The following SBK1 variants were observed in gnomAD, a reference collection of about 807,000 sequenced individuals.
SBK1 encodes SH3 domain binding kinase 1.
SBK1 carries 11 observed loss-of-function variants against 24.4 expected under a neutral mutation model. The ratio of observed to expected loss-of-function variants is 0.45; its 90% CI spans 0.28 to 0.75. The LOEUF (loss-of-function observed/expected upper bound fraction) is 0.75, where lower values mean the gene tolerates loss of function less well. Ranked by LOEUF, SBK1 falls within the 30% of genes least tolerant of loss-of-function variation. The pLI is 0.12. For synonymous variants in SBK1, 308 were observed against 284.4 expected (o/e 1.08, Z -0.83); for missense variants, 467 against 620.5 (o/e 0.75, Z 2.63).
At chr16:28,270,780 A>T (rs1482934271) in intron 1 of SBK1, among the ~76,000 whole-genome samples, 1 of 152,046 alleles carries the variant, frequency 6.6e-6, no homozygotes, top group Non-Finnish European at 1.5e-5. Flanking sequence ...TAGAAAAAAC[A>T]ATATTTTCAG....
chr16:28,307,739 CAA>C (rs34787009), intron 1 of SBK1, among the ~76,000 whole-genome samples: 31 of 64,188 alleles, frequency 4.8e-4, no homozygotes, highest in African/African-American at 7.6e-4. Flanking sequence ...GACTCAGTCT[CAA>C]AAAAAAAAAA....
chr16:28,289,260 C>T (rs2044584451), upstream of SBK1, among the ~76,000 whole-genome samples: 1 of 152,232 alleles, frequency 6.6e-6, no homozygotes, highest in Non-Finnish European at 1.5e-5. Context: ...TCAAATCCCT[C>T]TATTAGTTTA....
Position 28,277,598 on chromosome 16 carries a change from G to A in SBK1, c.257+18096G>A, listed in dbSNP as rs565176834. Among the ~76,000 whole-genome samples, 7 of 152,324 alleles carry A rather than the reference G, an allele frequency of 4.6e-5. No homozygotes were observed. In the South Asian group the frequency reaches 1.2e-3, roughly 27 times the overall value. On this transcript the variant is annotated intron_variant, in intron 1 of 3. Transcript: ENST00000671413. ...CGCATGAGCCCAGGAGGTGGAAGCT[G>A]CAGTGAGCCATGATCACACCTCTGC...
chr16:28,319,794 G>T lies in SBK1; in HGVS notation c.430-282G>T, dbSNP rs575117298. Among the ~76,000 whole-genome samples the T allele has an allele frequency of 3.3e-5, 5 of 152,210 alleles. No individual in the cohort carries two copies. The highest frequency in any genetic ancestry group is 1.2e-4 in the African/African-American group (5 of 41,538). ...GGCAAAATGACAGCAGGTGGAGGGC[G>T]CCGCGGACCCCCTCATCAACCTCCT... On this transcript the variant is annotated intron_variant, in intron 3 of 3. Transcript: ENST00000341901. This position sits in a 1 kb window ranked among gnomAD's most constrained non-coding sequence, Gnocchi z 4.0.
intron 1 of SBK1, among the ~76,000 whole-genome samples, chr16:28,313,935 C>T (rs1487828090): frequency 7.2e-5 from 11 of 152,018 alleles, no homozygotes; most frequent in Admixed American, 2.0e-4. Context: ...TGCTCACCCC[C>T]TCCCAGCCTC....
At chr16:28,281,657 T>C (rs543873593) in intron 1 of SBK1, among the ~76,000 whole-genome samples, 1 of 152,340 alleles carries the variant, frequency 6.6e-6, no homozygotes, top group South Asian at 2.1e-4. Flanking sequence ...AGCCTCAGCC[T>C]GTCTGTGTCC....
Position 28,320,875 on chromosome 16 carries a change from G to A in SBK1, c.1229G>A (p.Ser410Asn). The change falls in exon 4 of 4, where the codon AGC becomes AAC. Residue 410 changes from serine (S) to asparagine (N), a missense_variant. Ser to Asn is a conservative substitution (Grantham distance 46). Coordinates refer to ENST00000341901, the MANE Select transcript of SBK1 (RefSeq NM_001024401.3). This position sits in a 1 kb window ranked among gnomAD's most constrained non-coding sequence, Gnocchi z 8.5. The part of the protein sequence containing the change: ...PGRTDGRADK[S>N]KGQVVLATAI... Reference sequence around the variant, plus strand: ...CGGACCGACGGCCGCGCGGACAAGAGCAAAGGGCAGGTGGTGCTGGCCACG... The same window carrying A: ...CGGACCGACGGCCGCGCGGACAAGAACAAAGGGCAGGTGGTGCTGGCCACG... The A allele has an allele frequency of 1.8e-5, 27 of 1,504,456 alleles. No individual in the cohort carries two copies. Among genetic ancestry groups the A allele is most frequent in the Non-Finnish European group, 2.3e-5 (26 of 1,131,528 alleles). 93.2% of individuals were successfully genotyped at this position (1,504,456 alleles called of 1,614,324 possible).
rs566370562 is a variant in SBK1 at position 28,320,645 on chromosome 16, C to G, written c.999C>G (p.Pro333=). 6 of 1,160,362 alleles carry G rather than the reference C, an allele frequency of 5.2e-6. No individual in the cohort carries two copies. The East Asian group carries it at 2.5e-4, about 49-fold the overall frequency. 71.9% of individuals were successfully genotyped at this position (1,160,362 alleles called of 1,614,324 possible). The change falls in exon 4 of 4, where the codon CCC becomes CCG. Residue 333 remains proline (P), a synonymous_variant. Transcript: ENST00000341901. This position sits in a 1 kb window ranked among gnomAD's most constrained non-coding sequence, Gnocchi z 8.5. ...CCTCGCACCGCGCGCGCAAGCCCCC[C>G]GGGGACCGCCCGCCCGCCGCCGGGC... The part of the protein sequence containing the change: ...RRPSHRARKP[P]GDRPPAAGPL...
Position 28,293,307 on chromosome 16 carries a change from C to T in SBK1, c.-8+7C>T, listed in dbSNP as rs893510753. Reference sequence around the variant, plus strand: ...CCCCGCGGCCCCAGCCCAGGTAAGCCGGGCCCAGGTGAGGGGCGGCAGGTG... The same window carrying T: ...CCCCGCGGCCCCAGCCCAGGTAAGCTGGGCCCAGGTGAGGGGCGGCAGGTG... On this transcript the variant is annotated splice_region_variant and intron_variant, in intron 1 of 3. Coordinates refer to ENST00000341901, the MANE Select transcript of SBK1 (RefSeq NM_001024401.3). 9 of 984,670 alleles carry T rather than the reference C, an allele frequency of 9.1e-6. No individual in the cohort carries two copies. The African/African-American group carries it at 1.4e-4, about 15-fold the overall frequency. The allele number at this position is 984,670 out of a possible 1,614,324, so 61.0% of individuals were successfully genotyped here.
rs2044801853 is a variant in SBK1 at position 28,317,083 on chromosome 16, G to A, written c.-7-302G>A. 6.6e-6 allele frequency among the ~76,000 whole-genome samples: 1 copy of A among 152,206 alleles called. No individual in the cohort carries two copies. Among genetic ancestry groups the A allele is most frequent in the Admixed American group, 6.5e-5 (1 of 15,272 alleles). On this transcript the variant is annotated intron_variant, in intron 1 of 3. Transcript: ENST00000341901. This position sits in a 1 kb window ranked among gnomAD's most constrained non-coding sequence, Gnocchi z 4.2. The stretch of plus-strand genomic sequence containing the variant: ...GTGAACTCGGTATCTGGCTGTGTCT[G>A]TGTGACATAAACAGGGGCCTTGCCT...
intron 1 of SBK1, among the ~76,000 whole-genome samples, chr16:28,294,546 T>C (rs1187755976): frequency 6.6e-6 from 1 of 152,238 alleles, no homozygotes; most frequent in Admixed American, 6.5e-5. Flanking sequence ...ATCTCCTTTC[T>C]TGATGTCTCC....
intron 2 of SBK1, 91 bp from the exon 3 acceptor site, chr16:28,318,904 T>G: frequency 1.1e-6 from 1 of 917,042 alleles, no homozygotes; most frequent in Non-Finnish European, 1.8e-6. Flanking sequence ...GGGGACCCTG[T>G]TGCACCAGGG....
At chr16:28,295,436 G>GCTCA (rs2044631755) in intron 1 of SBK1, among the ~76,000 whole-genome samples, 1 of 152,128 alleles carries the variant, frequency 6.6e-6, no homozygotes, top group Admixed American at 6.5e-5. Context: ...GACCTGAGCT[G>GCTCA]GCACGTAGTA....
At chr16:28,280,147 A>ATGTGTGTGTGTGTGTGTGTGTGTGTG (rs1258164420) in intron 1 of SBK1, among the ~76,000 whole-genome samples, 8 of 48,364 alleles carry the variant, frequency 1.7e-4, no homozygotes, top group Non-Finnish European at 3.6e-4. Flanking sequence ...ATATATATAT[A>ATGTGTGTGTGTGTGTGTGTGTGTGTG]TATGTGTGTG....
In SBK1 at chr16:28,320,650, A is replaced by ACCGC; in HGVS notation, c.1014_1017dup (p.Ala340ArgfsTer111). ...CACCGCGCGCGCAAGCCCCCCGGGG[A>ACCGC]CCGCCCGCCCGCCGCCGGGCCACTG... On this transcript the variant is annotated frameshift_variant, in exon 4 of 4. Coordinates refer to ENST00000341901, the MANE Select transcript of SBK1 (RefSeq NM_001024401.3). LOFTEE classifies it high-confidence loss of function. The surrounding 1 kb of genome is among the most constrained non-coding windows in gnomAD (Gnocchi z 8.5). 8.8e-7 allele frequency: 1 copy of ACCGC among 1,141,656 alleles called. No individual in the cohort carries two copies. The highest frequency in any genetic ancestry group is 1.1e-6 in the Non-Finnish European group (1 of 930,774). 70.7% of individuals were successfully genotyped at this position (1,141,656 alleles called of 1,614,324 possible).
At chr16:28,267,865 C>T (rs143281104) in intron 1 of SBK1, among the ~76,000 whole-genome samples, 5 of 152,264 alleles carry the variant, frequency 3.3e-5, no homozygotes, top group Admixed American at 6.5e-5. Flanking sequence ...AATGTCCTTG[C>T]GGCCAGGCGC....
In SBK1 at chr16:28,293,089, A is replaced by AG. The variant is rs1361306000; in HGVS notation, c.-217dup. 1.0e-6 allele frequency: 1 copy of AG among 985,628 alleles called. No individual in the cohort carries two copies. The highest frequency in any genetic ancestry group is 1.2e-6 in the Non-Finnish European group (1 of 830,142). 61.1% of individuals were successfully genotyped at this position (985,628 alleles called of 1,614,324 possible). On this transcript the variant is annotated 5_prime_UTR_variant, in exon 1 of 4. Coordinates refer to ENST00000341901, the MANE Select transcript of SBK1 (RefSeq NM_001024401.3). Reference sequence around the variant, plus strand: ...TCCGGTACATAGAAATCCCAAATCTAGGCAGCCGGGGACAGCAAGAGACAC... The same window carrying AG: ...TCCGGTACATAGAAATCCCAAATCTAGGGCAGCCGGGGACAGCAAGAGACAC...
chr16:28,312,591 C>A (rs77793058), intron 1 of SBK1, among the ~76,000 whole-genome samples: 7,062 of 152,268 alleles, frequency 0.046, 572 homozygotes, highest in African/African-American at 0.16. Flanking sequence ...GGGCCTGGCA[C>A]TGTTCCTACC....
chr16:28,292,565 G>A lies in SBK1; in HGVS notation c.-743G>A, dbSNP rs990367753. The A allele has an allele frequency of 5.8e-5, 57 of 979,106 alleles. No homozygotes were observed. The highest frequency in any genetic ancestry group is 6.4e-5 in the Non-Finnish European group (53 of 827,066). 60.7% of individuals were successfully genotyped at this position (979,106 alleles called of 1,614,324 possible). A position where few individuals can be genotyped will look rare whatever the true frequency, so the allele number is the denominator to read the frequency against. On this transcript the variant is annotated 5_prime_UTR_variant, in exon 1 of 4. Transcript: ENST00000341901. ...CGCAGCCCGGGCGGGCGCCGGGGCC[G>A]GGGCCCGAGCGCCAGGCGGAGCGCG...
Sources: allele counts gnomAD v4.1 joint callset (sites outside exome capture counted in the v4.1 genomes callset), GRCh38; gene constraint gnomAD v4.1.1; non-coding constraint Gnocchi (gnomAD v3.1); transcripts MANE v1.5; gene names NCBI Gene and HGNC (gene_info 2026-07-23, HGNC 2026-07-21).